Variants in TRIT1 observed in about 807,000 individuals in gnomAD.
TRIT1 encodes tRNA dimethylallyltransferase.
A neutral mutation model predicts 51.2 loss-of-function variants in TRIT1; 43 were observed. The ratio of observed to expected loss-of-function variants is 0.84; its 90% CI spans 0.66 to 1.08. The LOEUF (loss-of-function observed/expected upper bound fraction) is 1.08, where lower values mean the gene tolerates loss of function less well. TRIT1 is among the 50% of genes least tolerant of loss of function. The pLI, the probability that TRIT1 is intolerant of heterozygous loss-of-function variation, is 0.00. For synonymous variants in TRIT1, 184 were observed against 203.9 expected (o/e 0.90, Z 0.83); for missense variants, 528 against 578.4 (o/e 0.91, Z 0.89).
intron 6 of TRIT1, 80 bp downstream of exon 6, chr1:39,847,906 C>A: frequency 7.0e-7 from 1 of 1,423,650 alleles, no homozygotes; most frequent in Non-Finnish European, 9.8e-7. Flanking sequence ...CAAGTAGACC[C>A]AAAGCCAGTA....
At chr1:39,843,573 T>G (rs1231330000) in intron 10 of TRIT1, among the ~76,000 whole-genome samples, 1 of 152,182 alleles carries the variant, frequency 6.6e-6, no homozygotes, top group East Asian at 1.9e-4. Context: ...TCTCTTAACT[T>G]CTTTTTATCA....
chr1:39,869,258 A>G (rs1643734373), intron 1 of TRIT1, among the ~76,000 whole-genome samples: 2 of 152,126 alleles, frequency 1.3e-5, no homozygotes, highest in Non-Finnish European at 2.9e-5. Flanking sequence ...GCACGCCGCC[A>G]CGCCTGACTG....
At chr1:39,862,202 TGGAA>T (rs1643290401) in intron 1 of TRIT1, among the ~76,000 whole-genome samples, 1 of 151,766 alleles carries the variant, frequency 6.6e-6, no homozygotes, top group South Asian at 2.1e-4. Context: ...CCTATTGAGA[TGGAA>T]GGTAGTAATG....
At chr1:39,849,241 T>C (rs929565162) in intron 5 of TRIT1, among the ~76,000 whole-genome samples, 39 of 152,302 alleles carry the variant, frequency 2.6e-4, no homozygotes, top group African/African-American at 9.4e-4. Flanking sequence ...ATTATCTCTA[T>C]TTTACAGGAG....
intron 1 of TRIT1, among the ~76,000 whole-genome samples, chr1:39,864,435 C>T (rs1268323265): frequency 1.3e-5 from 2 of 151,376 alleles, no homozygotes; most frequent in South Asian, 2.1e-4. Flanking sequence ...CAGTGAAACC[C>T]CATCTCTACT....
chr1:39,841,686 A>G lies in TRIT1; in HGVS notation c.*58T>C. The G allele has an allele frequency of 2.7e-6, 4 of 1,508,520 alleles. No individual in the cohort carries two copies. In the South Asian group the frequency reaches 5.3e-5, roughly 20 times the overall value. 93.4% of individuals were successfully genotyped at this position (1,508,520 alleles called of 1,614,324 possible). A position where few individuals can be genotyped will look rare whatever the true frequency, so the allele number is the denominator to read the frequency against. ...TTTGCCCAGACTGGGAGACAAACAT[A>G]CCCCTCCCTCCTGAACTGGATCCCC... On this transcript the variant is annotated 3_prime_UTR_variant, in exon 11 of 11. Transcript: ENST00000316891.
At chr1:39,879,492 ATATATATATATT>A (rs1411881557) in intron 1 of TRIT1, among the ~76,000 whole-genome samples, 1 of 151,578 alleles carries the variant, frequency 6.6e-6, no homozygotes, top group East Asian at 1.9e-4. Flanking sequence ...TTAAATATAT[ATATATATATATT>A]TATCACCAGC....
At chr1:39,871,662 G>A (rs1643886899) in intron 1 of TRIT1, among the ~76,000 whole-genome samples, 1 of 152,154 alleles carries the variant, frequency 6.6e-6, no homozygotes, top group African/African-American at 2.4e-5. Flanking sequence ...CATATTGTAT[G>A]ATTACATTTT....
intron 1 of TRIT1, among the ~76,000 whole-genome samples, chr1:39,883,089 A>G (rs570242406): frequency 6.6e-6 from 1 of 152,214 alleles, no homozygotes; most frequent in Admixed American, 6.5e-5. Context: ...ATAAAAGGAG[A>G]TAATAGTATC....
rs6694437 is a variant in TRIT1 at position 39,838,975 on chromosome 1, A to G, written c.*2769T>C. 0.19 allele frequency among the ~76,000 whole-genome samples: 28,176 copies of G among 152,210 alleles called. 2,673 individuals carry two copies. The highest frequency in any genetic ancestry group is 0.3 in the East Asian group (1,531 of 5,182). ...TTGCTTAGCCCTAAGAATCAAGCAA[A>G]GTATTTTCAAGTCTAGATCTCTCTT... On this transcript the variant is annotated 3_prime_UTR_variant, in exon 11 of 11. Transcript: ENST00000316891.
rs1377428652 is a variant in TRIT1, at chr1:39,840,328, G to A, written c.*1416C>T. Among the ~76,000 whole-genome samples the A allele has an allele frequency of 6.6e-6, 1 of 152,200 alleles. No homozygotes were observed. The highest frequency in any genetic ancestry group is 1.5e-5 in the Non-Finnish European group (1 of 68,052). ...CTGTTTAAAAAGGTCAATCAAGTTAGATAGTTTTTTTACTCTACCTTCTCC... is the reference window on the plus strand; with the variant it reads ...CTGTTTAAAAAGGTCAATCAAGTTAAATAGTTTTTTTACTCTACCTTCTCC... On this transcript the variant is annotated 3_prime_UTR_variant, in exon 11 of 11. Coordinates refer to ENST00000316891, the MANE Select transcript of TRIT1 (RefSeq NM_017646.6).
intron 4 of TRIT1, among the ~76,000 whole-genome samples, chr1:39,851,565 T>C (rs143412952): frequency 6.6e-6 from 1 of 152,304 alleles, no homozygotes; most frequent in East Asian, 1.9e-4. Context: ...AGGTTATACA[T>C]TGCCTTTAAG....
chr1:39,869,662 G>A (rs6659929), intron 1 of TRIT1, among the ~76,000 whole-genome samples: 5,222 of 151,280 alleles, frequency 0.035, 315 homozygotes, highest in African/African-American at 0.12. Flanking sequence ...AGTGAGGAGC[G>A]TCTCTGCCCC....
intron 1 of TRIT1, among the ~76,000 whole-genome samples, chr1:39,871,015 G>C (rs751372238): frequency 3.9e-5 from 6 of 152,148 alleles, no homozygotes; most frequent in Non-Finnish European, 7.3e-5. Context: ...CCAATATGGA[G>C]AAACTATGTC....
At chr1:39,845,414 G>A (rs899825659) in intron 8 of TRIT1, among the ~76,000 whole-genome samples, 49 of 152,360 alleles carry the variant, frequency 3.2e-4, no homozygotes, top group African/African-American at 1.2e-3. Context: ...ACTAGGTTAA[G>A]TCAGTTGCCT....
chr1:39,844,243 G>T, intron 9 of TRIT1, 25 bp from the exon 10 acceptor site: 1 of 1,537,140 alleles, frequency 6.5e-7, no homozygotes, highest in Non-Finnish European at 9.0e-7. Flanking sequence ...GTGGAAGGGA[G>T]TATTCAATTC....
At chr1:39,845,420 T>G (rs959191797) in intron 8 of TRIT1, among the ~76,000 whole-genome samples, 3 of 152,250 alleles carry the variant, frequency 2.0e-5, no homozygotes, top group African/African-American at 7.2e-5. Context: ...TTAAGTCAGT[T>G]GCCTAAAGGC....
In TRIT1 at chr1:39,841,283, C is replaced by T. The variant is rs1641882559; in HGVS notation, c.*461G>A. On this transcript the variant is annotated 3_prime_UTR_variant, in exon 11 of 11. Transcript: ENST00000316891. The stretch of plus-strand genomic sequence containing the variant: ...ATGGAGATGGCCCTTTCCTGCCATT[C>T]ACTCAAATCTAGAACTCCCAATATG... The T allele has an allele frequency of 6.6e-6, 1 of 152,452 alleles. No individual in the cohort carries two copies. The highest frequency in any genetic ancestry group is 2.1e-4 in the South Asian group (1 of 4,828). The allele number at this position is 152,452 out of a possible 1,614,324, so 9.4% of individuals were successfully genotyped here.
At chr1:39,877,328 TAAAAAA>T (rs57539376) in intron 1 of TRIT1, among the ~76,000 whole-genome samples, 3 of 113,088 alleles carry the variant, frequency 2.7e-5, no homozygotes, top group African/African-American at 6.5e-5. Flanking sequence ...GTGCTTCTAT[TAAAAAA>T]AAAAAAAAAA....
Sources: gnomAD v4.1 joint callset for allele counts (sites outside exome capture counted in the v4.1 genomes callset) on GRCh38, gnomAD v4.1.1 for gene constraint, MANE v1.5 for transcripts, NCBI Gene and HGNC (gene_info 2026-07-23, HGNC 2026-07-21) for gene names.